AGBL4: variants seen among roughly 807,000 people sequenced by gnomAD.
The protein encoded by AGBL4 is cytosolic carboxypeptidase 6.
Under a neutral mutation model 66.4 loss-of-function variants are expected in AGBL4, and 58 were observed. The ratio of observed to expected loss-of-function variants is 0.87; its 90% CI spans 0.71 to 1.09. The LOEUF is 1.09. AGBL4 is among the 50% of genes least tolerant of loss of function. The pLI, the probability that AGBL4 is intolerant of heterozygous loss-of-function variation, is 0.00. For synonymous variants in AGBL4, 234 were observed against 222.9 expected (o/e 1.05, Z -0.44); for missense variants, 579 against 631.0 (o/e 0.92, Z 0.88).
At chr1:48,797,181 C>T (rs1162553287) in intron 6 of AGBL4, among the ~76,000 whole-genome samples, 3 of 152,158 alleles carry the variant, frequency 2.0e-5, no homozygotes, top group Non-Finnish European at 4.4e-5. Flanking sequence ...CCCTTGTTCC[C>T]ATTTCAGAAT....
chr1:49,924,044 A>G (rs1430114680), intron 1 of AGBL4, among the ~76,000 whole-genome samples: 1 of 152,232 alleles, frequency 6.6e-6, no homozygotes, highest in Non-Finnish European at 1.5e-5. Flanking sequence ...CACTATTCAC[A>G]ATAGCAAAGA....
intron 3 of AGBL4, among the ~76,000 whole-genome samples, chr1:49,472,236 T>C (rs1570800726): frequency 6.6e-6 from 1 of 152,190 alleles, no homozygotes; most frequent in East Asian, 1.9e-4. Flanking sequence ...TTAAGTCTGA[T>C]GTGGAGTCTC....
chr1:49,364,116 AGAT>A (rs1300011994), intron 3 of AGBL4, among the ~76,000 whole-genome samples: 3 of 152,228 alleles, frequency 2.0e-5, no homozygotes, highest in Non-Finnish European at 4.4e-5. Context: ...GAGAGGTAGG[AGAT>A]GATAAGGCCG....
At chr1:48,843,200 A>G (rs1048312626) in intron 6 of AGBL4, among the ~76,000 whole-genome samples, 4 of 152,138 alleles carry the variant, frequency 2.6e-5, no homozygotes, top group African/African-American at 7.2e-5. Flanking sequence ...GGGCAGGGGT[A>G]CCTTATAAAA....
intron 5 of AGBL4, among the ~76,000 whole-genome samples, chr1:49,039,185 A>G (rs985172788): frequency 2.6e-5 from 4 of 152,196 alleles, no homozygotes; most frequent in South Asian, 4.1e-4. Flanking sequence ...GGGTTATGGG[A>G]AGGGAAGGAT....
Position 49,971,514 on chromosome 1 carries a change from G to A in AGBL4, c.34+52249C>T, listed in dbSNP as rs1658080723. Among the ~76,000 whole-genome samples, 3 of 152,074 alleles carry A rather than the reference G, an allele frequency of 2.0e-5. No homozygotes were observed. The South Asian group carries it at 6.2e-4, about 32-fold the overall frequency. On this transcript the variant is annotated intron_variant, in intron 1 of 13. Coordinates refer to ENST00000371839, the MANE Select transcript of AGBL4 (RefSeq NM_032785.4). ...TTAAATAAGAAGGTGAAAGTTCTCA[G>A]CTTAATAAGGAAAGAAAAAAGAAAT...
chr1:48,746,476 T>G lies in AGBL4; in HGVS notation c.635-83235A>C, dbSNP rs118117128. Among the ~76,000 whole-genome samples, 37 of 152,294 alleles carry G rather than the reference T, an allele frequency of 2.4e-4. No individual in the cohort carries two copies. In the East Asian group the frequency reaches 6.8e-3, roughly 28 times the overall value. ...TCACGAAGGTGTCCTAAGGGACTGA[T>G]AGACTTCTGTCAAATATTGAAGCTA... On this transcript the variant is annotated intron_variant, in intron 6 of 13. Coordinates refer to ENST00000371839, the MANE Select transcript of AGBL4 (RefSeq NM_032785.4).
chr1:49,132,228 T>C lies in AGBL4; in HGVS notation c.378-86428A>G, dbSNP rs114273145. 2.9e-3 allele frequency among the ~76,000 whole-genome samples: 441 copies of C among 152,056 alleles called. 2 individuals are homozygous for C. Among genetic ancestry groups the C allele is most frequent in the African/African-American group, 0.01 (418 of 41,516 alleles). On this transcript the variant is annotated intron_variant, in intron 4 of 13. Coordinates refer to ENST00000371839, the MANE Select transcript of AGBL4 (RefSeq NM_032785.4). ...AAAAATCAGGAATTAGACTATCTCT[T>C]GGGTTTGGTGACAAGAAGGTCATTG...
At chr1:49,767,314 C>T (rs1052239584) in intron 2 of AGBL4, among the ~76,000 whole-genome samples, 4 of 151,822 alleles carry the variant, frequency 2.6e-5, no homozygotes, top group Admixed American at 6.6e-5. Context: ...TCTCTCAGAA[C>T]CACATAATTA....
intron 3 of AGBL4, among the ~76,000 whole-genome samples, chr1:49,342,189 G>A (rs1487773218): frequency 6.6e-6 from 1 of 152,056 alleles, no homozygotes; most frequent in African/African-American, 2.4e-5. Context: ...CTCTCTCTGT[G>A]CGCAAGCTGG....
chr1:49,101,058 G>A (rs927587362), intron 4 of AGBL4, among the ~76,000 whole-genome samples: 3 of 152,142 alleles, frequency 2.0e-5, no homozygotes, highest in African/African-American at 7.2e-5. Context: ...AGACACTCAA[G>A]TCCCAGCTGA....
intron 2 of AGBL4, among the ~76,000 whole-genome samples, chr1:49,770,700 T>G (rs977218567): frequency 1.3e-5 from 2 of 152,186 alleles, no homozygotes; most frequent in Non-Finnish European, 2.9e-5. Flanking sequence ...TCACTTATTG[T>G]TCTGTTCAGA....
At chr1:49,582,932 T>G (rs2148885673) in intron 3 of AGBL4, among the ~76,000 whole-genome samples, 1 of 152,258 alleles carries the variant, frequency 6.6e-6, no homozygotes, top group South Asian at 2.1e-4. Context: ...GCAAAAGTGG[T>G]TTTTGCCTTA....
chr1:49,705,356 T>C lies in AGBL4; in HGVS notation c.158-7919A>G, dbSNP rs575898289. 2.0e-5 allele frequency among the ~76,000 whole-genome samples: 3 copies of C among 152,310 alleles called. No homozygotes were observed. In the South Asian group the frequency reaches 6.2e-4, roughly 32 times the overall value. On this transcript the variant is annotated intron_variant, in intron 2 of 13. Coordinates refer to ENST00000371839, the MANE Select transcript of AGBL4 (RefSeq NM_032785.4). ...AGGGGATTTTCTAAATATACAGCCA[T>C]GTCATCTGCAAACAGAGACAATTTG...
intron 4 of AGBL4, among the ~76,000 whole-genome samples, chr1:49,129,064 C>T (rs1645827477): frequency 6.6e-6 from 1 of 151,746 alleles, no homozygotes; most frequent in Non-Finnish European, 1.5e-5. Flanking sequence ...GACATTTTAA[C>T]AAAACCCACA....
Position 49,477,398 on chromosome 1 carries a change from A to C in AGBL4, c.282+219915T>G, listed in dbSNP as rs866950715. ...AAATCAGCTCCATTTGTTTGGAAGA[A>C]AGTAAGGGAAGAGATCAAGAGTCTC... On this transcript the variant is annotated intron_variant, in intron 3 of 13. Coordinates refer to ENST00000371839, the MANE Select transcript of AGBL4 (RefSeq NM_032785.4). Among the ~76,000 whole-genome samples the C allele has an allele frequency of 5.3e-5, 8 of 152,076 alleles. No individual in the cohort carries two copies. The South Asian group carries it at 6.2e-4, about 12-fold the overall frequency.
At chr1:49,916,878 C>A (rs564066410) in intron 1 of AGBL4, among the ~76,000 whole-genome samples, 31 of 152,230 alleles carry the variant, frequency 2.0e-4, no homozygotes, top group Non-Finnish European at 3.8e-4. Flanking sequence ...AGACTAACAG[C>A]GGATCTCTCG....
At chr1:49,054,769 T>A (rs1305734978) in intron 4 of AGBL4, among the ~76,000 whole-genome samples, 1 of 152,056 alleles carries the variant, frequency 6.6e-6, no homozygotes, top group Non-Finnish European at 1.5e-5. Context: ...GACATCAATG[T>A]GATTTCACAA....
At chr1:48,536,744 G>GAAGC (rs1643977985) in intron 12 of AGBL4, among the ~76,000 whole-genome samples, 2 of 152,344 alleles carry the variant, frequency 1.3e-5, no homozygotes, top group South Asian at 4.1e-4. Context: ...CTCATGCTCT[G>GAAGC]TTTACCTACA....
Sources: allele counts gnomAD v4.1 joint callset (sites outside exome capture counted in the v4.1 genomes callset), GRCh38; gene constraint gnomAD v4.1.1; transcripts MANE v1.5; gene names NCBI Gene and HGNC (gene_info 2026-07-23, HGNC 2026-07-21).